The following GTF3C5 variants were observed in gnomAD, a reference collection of about 807,000 sequenced individuals.
GTF3C5 encodes the protein general transcription factor 3C polypeptide 5.
Under a neutral mutation model 61.0 loss-of-function variants are expected in GTF3C5, and 47 were observed. That is an observed-to-expected ratio of 0.77 (90% CI 0.61 to 0.98). GTF3C5 has a LOEUF of 0.98. GTF3C5 is among the 50% of genes least tolerant of loss of function. GTF3C5 has a pLI of 0.00. For synonymous variants in GTF3C5, 295 were observed against 275.4 expected (o/e 1.07, Z -0.71); for missense variants, 659 against 703.3 (o/e 0.94, Z 0.71).
At chr9:133,051,056 T>C (rs1180238835) in intron 4 of GTF3C5, 78 bp downstream of exon 4, 1 of 1,158,038 alleles carries the variant, frequency 8.6e-7, no homozygotes, top group East Asian at 2.6e-5. Flanking sequence ...CTGCTCCCTG[T>C]TCCTGGCTGT....
At chr9:133,057,640 G>A (rs1054613086) in intron 10 of GTF3C5, among the ~76,000 whole-genome samples, 174 bp from the exon 11 acceptor site, 7 of 152,084 alleles carry the variant, frequency 4.6e-5, no homozygotes, top group African/African-American at 9.7e-5. Flanking sequence ...CTGGGTGCCC[G>A]TCAAACTACA....
At chr9:133,045,485 A>G (rs1344270034) in intron 3 of GTF3C5, among the ~76,000 whole-genome samples, 2 of 152,232 alleles carry the variant, frequency 1.3e-5, no homozygotes, top group South Asian at 2.1e-4. Flanking sequence ...CCCCAGAAGT[A>G]GCGACTTGGC....
At chr9:133,055,746 A>G (rs993361794) in intron 8 of GTF3C5, 5 of 1,314,650 alleles carry the variant, frequency 3.8e-6, no homozygotes, top group East Asian at 6.5e-5. Flanking sequence ...CATGGGCGCC[A>G]TGGCCTGCTG....
chr9:133,040,032 A>T (rs910851506), intron 1 of GTF3C5, among the ~76,000 whole-genome samples: 1 of 152,106 alleles, frequency 6.6e-6, no homozygotes, highest in African/African-American at 2.4e-5. Context: ...TTCTTCTTTT[A>T]TATTATTCTC....
intron 1 of GTF3C5, 120 bp downstream of exon 1, chr9:133,031,284 T>C (rs1849725166): frequency 2.5e-6 from 2 of 801,940 alleles, no homozygotes; most frequent in Non-Finnish European, 3.9e-6. Context: ...AGGGTGCTGC[T>C]CGCTCTTCTG....
At chr9:133,055,913 C>A in intron 8 of GTF3C5, 99 bp from the exon 9 acceptor site, 1 of 1,554,734 alleles carries the variant, frequency 6.4e-7, no homozygotes, top group Non-Finnish European at 8.7e-7. Context: ...CCAGCCAGCT[C>A]CCTGGAGAGA....
chr9:133,034,300 CATACTT>C (rs934253920), intron 1 of GTF3C5, among the ~76,000 whole-genome samples: 4 of 152,122 alleles, frequency 2.6e-5, no homozygotes, highest in African/African-American at 7.2e-5. Flanking sequence ...TTTAAGGCTC[CATACTT>C]ATACTTGTTT....
intron 1 of GTF3C5, among the ~76,000 whole-genome samples, chr9:133,038,188 A>G (rs1309250347): frequency 1.3e-5 from 2 of 152,170 alleles, no homozygotes; most frequent in East Asian, 3.9e-4. Flanking sequence ...ACAAAGAAGA[A>G]GGGAGTTGAA....
chr9:133,033,954 C>T (rs1238862075), intron 1 of GTF3C5, among the ~76,000 whole-genome samples: 2 of 152,064 alleles, frequency 1.3e-5, no homozygotes, highest in East Asian at 1.9e-4. Flanking sequence ...GGGTCCCATA[C>T]GTTCCCTGGA....
chr9:133,048,277 C>T (rs182652885), intron 3 of GTF3C5, among the ~76,000 whole-genome samples: 118 of 152,308 alleles, frequency 7.7e-4, no homozygotes, highest in Middle Eastern at 3.4e-3. Context: ...GCGGGTGGAT[C>T]ACCTGAGGTC....
intron 1 of GTF3C5, among the ~76,000 whole-genome samples, chr9:133,035,650 A>T (rs1392960208): frequency 6.6e-6 from 1 of 152,122 alleles, no homozygotes; most frequent in East Asian, 1.9e-4. Context: ...GGAAGAGAAG[A>T]TGGGAACTGC....
chr9:133,030,906 G>C (rs999010180), upstream of GTF3C5: 2 of 1,307,632 alleles, frequency 1.5e-6, no homozygotes, highest in Admixed American at 1.9e-5. Context: ...AGGATGACGC[G>C]AGCGGTGAGG....
At chr9:133,030,833 T>C (rs1223816525), upstream of GTF3C5, 3 of 723,074 alleles carry the variant, frequency 4.1e-6, no homozygotes, top group Non-Finnish European at 7.4e-6. Flanking sequence ...CCCGAAGACA[T>C]GGGCCCTCCC....
chr9:133,031,923 A>G (rs1849744517), intron 1 of GTF3C5, among the ~76,000 whole-genome samples: 1 of 152,182 alleles, frequency 6.6e-6, no homozygotes, highest in Non-Finnish European at 1.5e-5. Flanking sequence ...GAAGCTAGGA[A>G]GGGGTTGTTT....
intron 3 of GTF3C5, 114 bp downstream of exon 3, chr9:133,044,040 G>C: frequency 1.4e-6 from 1 of 734,642 alleles, no homozygotes; most frequent in Non-Finnish European, 2.2e-6. Flanking sequence ...AGCTACTCGG[G>C]AGGCTGAGGC....
chr9:133,031,048 G>A lies in GTF3C5; in HGVS notation c.37G>A (p.Ala13Thr), dbSNP rs1295323487. The A allele has an allele frequency of 3.7e-6, 6 of 1,611,826 alleles. No homozygotes were observed. Among genetic ancestry groups the A allele is most frequent in the Middle Eastern group, 1.7e-4 (1 of 6,054 alleles). The change falls in exon 1 of 11, where the codon GCC (alanine) becomes ACC (threonine). Residue 13 changes from alanine (A) to threonine (T), a missense_variant. Ala to Thr is a moderately conservative substitution (Grantham distance 58). Coordinates refer to ENST00000372097, the MANE Select transcript of GTF3C5 (RefSeq NM_012087.4). ...AEAADLGLGAAVPVELRRERR... is the reference protein window; with the variant it reads ...AEAADLGLGATVPVELRRERR... ...GGCGGCCGATTTGGGGCTGGGGGCC[G>A]CCGTCCCCGTGGAGCTGAGGCGGGA...
At chr9:133,043,390 C>T (rs1285985069) in intron 2 of GTF3C5, among the ~76,000 whole-genome samples, 1 of 152,176 alleles carries the variant, frequency 6.6e-6, no homozygotes, top group East Asian at 1.9e-4. Context: ...TAGCAAGATC[C>T]CAGCAGATTC....
chr9:133,042,312 T>A lies in GTF3C5; in HGVS notation c.373+6T>A. ...CACCATTTACAAATTTCAGGGTAACTGAAATCTGCTCTTGCAATGTCTGGT... is the reference window on the plus strand; with the variant it reads ...CACCATTTACAAATTTCAGGGTAACAGAAATCTGCTCTTGCAATGTCTGGT... On this transcript the variant is annotated splice_donor_region_variant and intron_variant, in intron 2 of 10. Transcript: ENST00000372097. 1 of 1,551,866 alleles carries A rather than the reference T, an allele frequency of 6.4e-7. No individual in the cohort carries two copies. Among genetic ancestry groups the A allele is most frequent in the Non-Finnish European group, 8.9e-7 (1 of 1,123,242 alleles).
intron 10 of GTF3C5, among the ~76,000 whole-genome samples, chr9:133,057,514 C>G (rs190411492): frequency 9.2e-5 from 14 of 152,300 alleles, no homozygotes; most frequent in Admixed American, 7.2e-4. Context: ...CAGATTCAGC[C>G]CCCTTTGGGA....
Sources: gnomAD v4.1 joint callset for allele counts (sites outside exome capture counted in the v4.1 genomes callset) on GRCh38, gnomAD v4.1.1 for gene constraint, MANE v1.5 for transcripts, NCBI Gene and HGNC (gene_info 2026-07-23, HGNC 2026-07-21) for gene names.